STAB2: variants seen among roughly 807,000 people sequenced by gnomAD.
STAB2 encodes stabilin 2, also known as stabilin-2.
A neutral mutation model predicts 338.1 loss-of-function variants in STAB2; 288 were observed. The ratio of observed to expected loss-of-function variants is 0.85; its 90% CI spans 0.77 to 0.94. The LOEUF is 0.94. Ranked by LOEUF, STAB2 falls within the 40% of genes least tolerant of loss-of-function variation. The pLI is 0.00. For missense variants in STAB2, 3,141 were observed against 3,210.1 expected, an observed-to-expected ratio of 0.98 and a Z score of 0.52; for synonymous variants, 1,202 against 1,193.3, an observed-to-expected ratio of 1.01 and a Z score of -0.15.
At chr12:103,725,311 G>A (rs1262511042) in intron 45 of STAB2, among the ~76,000 whole-genome samples, 5 of 152,200 alleles carry the variant, frequency 3.3e-5, no homozygotes, top group East Asian at 1.9e-4. Flanking sequence ...AAGGTGGACC[G>A]ACAGCTCTGG....
At chr12:103,717,669 A>T (rs972521865) in intron 43 of STAB2, 101 bp from the exon 44 acceptor site, 19 of 928,786 alleles carry the variant, frequency 2.0e-5, no homozygotes, top group Non-Finnish European at 3.1e-5. Flanking sequence ...CTCTCCTAAC[A>T]TTACCATGAC....
At chr12:103,706,257 G>A (rs1879339506) in intron 37 of STAB2, among the ~76,000 whole-genome samples, 1 of 152,138 alleles carries the variant, frequency 6.6e-6, no homozygotes, top group Non-Finnish European at 1.5e-5. Flanking sequence ...ATAGGGGTGG[G>A]GGAGATTTTG....
intron 27 of STAB2, among the ~76,000 whole-genome samples, chr12:103,685,520 T>A (rs894888344): frequency 1.3e-5 from 2 of 152,084 alleles, no homozygotes; most frequent in Non-Finnish European, 2.9e-5. Flanking sequence ...ATGCCAGGCG[T>A]CTTGCTCAGT....
At position 103,717,857 on chromosome 12, in the gene STAB2, G is replaced by A; in HGVS notation, c.4683+16G>A. 1 of 1,613,894 alleles carries A rather than the reference G, an allele frequency of 6.2e-7. No homozygotes were observed. ...CTGCTTAACTGTGAGTATGGCTCTA[G>A]GGTGGATATCCTTCAAGCCTCAGAG... On this transcript the variant is annotated intron_variant, in intron 44 of 68. Coordinates refer to ENST00000388887, the MANE Select transcript of STAB2 (RefSeq NM_017564.10).
intron 9 of STAB2, among the ~76,000 whole-genome samples, chr12:103,641,831 A>C (rs1872949343): frequency 6.6e-6 from 1 of 152,182 alleles, no homozygotes; most frequent in Admixed American, 6.5e-5. Flanking sequence ...CCTCAAATTG[A>C]CTGTCTTCAG....
chr12:103,750,783 T>C, intron 60 of STAB2, 63 bp downstream of exon 60: 1 of 1,527,398 alleles, frequency 6.5e-7, no homozygotes, highest in Non-Finnish European at 8.8e-7. Flanking sequence ...GAAGGGACCC[T>C]CAAGGGAAAG....
At chr12:103,631,093 G>A (rs1593161442) in intron 5 of STAB2, among the ~76,000 whole-genome samples, 1 of 152,192 alleles carries the variant, frequency 6.6e-6, no homozygotes, top group East Asian at 1.9e-4. Flanking sequence ...TCTGTCACTG[G>A]GCTAAAACAT....
chr12:103,744,479 T>G (rs1170904901), intron 56 of STAB2, among the ~76,000 whole-genome samples: 3 of 130,564 alleles, frequency 2.3e-5, no homozygotes, highest in Admixed American at 1.6e-4. Context: ...TTTTTTTTTT[T>G]TTTTTAAGAC....
intron 41 of STAB2, among the ~76,000 whole-genome samples, chr12:103,713,209 A>C (rs1017698222): frequency 2.0e-5 from 3 of 152,226 alleles, no homozygotes; most frequent in African/African-American, 7.2e-5. Flanking sequence ...AGCACATAGA[A>C]TTCAATAAAT....
chr12:103,617,970 C>G (rs1302707854), intron 3 of STAB2, among the ~76,000 whole-genome samples: 1 of 152,190 alleles, frequency 6.6e-6, no homozygotes, highest in African/African-American at 2.4e-5. Flanking sequence ...AGAAAACCAT[C>G]TACAGATGGA....
rs567482887 is a variant in STAB2 at position 103,623,112 on chromosome 12, G to A, written c.487+1001G>A. ...TTTGAATGGTGATCCCAGGAAACAC[G>A]AGGATGTGAGGAAGTAATATGGGGA... On this transcript the variant is annotated intron_variant, in intron 5 of 68. Transcript: ENST00000388887. Among the ~76,000 whole-genome samples the A allele has an allele frequency of 3.6e-4, 55 of 152,270 alleles. 1 individual carries two copies. Among genetic ancestry groups the A allele is most frequent in the African/African-American group, 1.1e-3 (47 of 41,550 alleles).
Position 103,748,985 on chromosome 12 carries a change from C to A in STAB2, c.6267C>A (p.Asp2089Glu). 1 of 1,613,836 alleles carries A rather than the reference C, an allele frequency of 6.2e-7. No homozygotes were observed. The highest frequency in any genetic ancestry group is 8.5e-7 in the Non-Finnish European group (1 of 1,179,882). ...TCTVVDFCKQ[D>E]NGGCAKVARC... ...CAGTTGTGGATTTCTGCAAACAGGA[C>A]AACGGGGGCTGTGCAAAGGTGGCCA... is the stretch of plus-strand genomic sequence containing the variant. Residue 2089 changes from aspartate to glutamate, a missense_variant, in exon 59 of 69, where the codon GAC becomes GAA. Transcript: ENST00000388887.
intron 3 of STAB2, among the ~76,000 whole-genome samples, chr12:103,607,435 G>C (rs761394028): frequency 6.7e-6 from 1 of 148,940 alleles, no homozygotes; most frequent in African/African-American, 2.5e-5. Context: ...TGTGCGCAAC[G>C]TGCAGGTTTG....
chr12:103,737,511 C>A, intron 52 of STAB2, 123 bp from the exon 53 acceptor site: 1 of 1,051,208 alleles, frequency 9.5e-7, no homozygotes, highest in African/African-American at 1.6e-5. Flanking sequence ...CTTCCTGAGT[C>A]TTGCAGTTAC....
Position 103,688,241 on chromosome 12 carries a change from A to T in STAB2, c.3045+26A>T. The T allele has an allele frequency of 3.1e-6, 5 of 1,609,054 alleles. No individual in the cohort carries two copies. The South Asian group carries it at 5.5e-5, about 18-fold the overall frequency. On this transcript the variant is annotated intron_variant, in intron 28 of 68. Coordinates refer to ENST00000388887, the MANE Select transcript of STAB2 (RefSeq NM_017564.10). ...GTGAGTACCTTTATTGGGACTTAGG[A>T]TTGGGAATGTATATATTTTAGAAAC...
chr12:103,655,128 G>C, intron 13 of STAB2, 123 bp from the exon 14 acceptor site: 2 of 934,722 alleles, frequency 2.1e-6, no homozygotes, highest in Non-Finnish European at 3.3e-6. Flanking sequence ...AGTTGACCAG[G>C]TTCATTTATA....
intron 60 of STAB2, among the ~76,000 whole-genome samples, chr12:103,751,323 GC>G (rs1280200569): frequency 2.0e-5 from 3 of 152,176 alleles, no homozygotes; most frequent in Non-Finnish European, 4.4e-5. Context: ...GAAGGATGAA[GC>G]CATGAGGAAG....
chr12:103,602,883 T>C (rs1956973696), intron 3 of STAB2, among the ~76,000 whole-genome samples: 1 of 152,210 alleles, frequency 6.6e-6, no homozygotes, highest in African/African-American at 2.4e-5. Context: ...AGAGAAAACA[T>C]TCTTAATTTT....
intron 44 of STAB2, among the ~76,000 whole-genome samples, chr12:103,719,015 C>A (rs1008399939): frequency 8.5e-5 from 13 of 152,172 alleles, no homozygotes; most frequent in African/African-American, 2.9e-4. Flanking sequence ...TTCTTATAAC[C>A]CTTGACTGCA....
Sources: gnomAD v4.1 joint callset for allele counts (sites outside exome capture counted in the v4.1 genomes callset) on GRCh38, gnomAD v4.1.1 for gene constraint, MANE v1.5 for transcripts, NCBI Gene and HGNC (gene_info 2026-07-23, HGNC 2026-07-21) for gene names.